Variants in CPNE8 observed in about 807,000 individuals in gnomAD.
The protein encoded by CPNE8 is copine-8.
Under a neutral mutation model 81.5 loss-of-function variants are expected in CPNE8, and 45 were observed. That is an observed-to-expected ratio of 0.55 (90% confidence interval 0.44 to 0.71). CPNE8 has a LOEUF of 0.71. Among genes scored for constraint, CPNE8 ranks in the 30% least tolerant of loss-of-function variants. The probability of loss-of-function intolerance (pLI) is 0.00; values close to 1 mark genes in which losing one functional copy is unlikely to be tolerated. For synonymous variants in CPNE8, 252 were observed against 226.3 expected, an observed-to-expected ratio of 1.11 and a Z score of -1.02; for missense variants, 594 against 672.1, an observed-to-expected ratio of 0.88 and a Z score of 1.28.
At chr12:38,885,188 A>G (rs1944221001) in intron 1 of CPNE8, among the ~76,000 whole-genome samples, 1 of 152,214 alleles carries the variant, frequency 6.6e-6, no homozygotes, top group Non-Finnish European at 1.5e-5. Context: ...AAATGATATA[A>G]TAATTAAACT....
chr12:38,800,075 G>T lies in CPNE8; in HGVS notation c.408-23774C>A, dbSNP rs1368185534. Among the ~76,000 whole-genome samples, 5 of 130,302 alleles carry T rather than the reference G, an allele frequency of 3.8e-5. No homozygotes were observed. In the East Asian group the frequency reaches 1.1e-3, roughly 28 times the overall value. 85.5% of individuals were successfully genotyped at this position (130,302 alleles called of 152,430 possible). A position where few individuals can be genotyped will look rare whatever the true frequency, so the allele number is the denominator to read the frequency against. ...CAAACTGCAAGGCGGCAACGAGGCT[G>T]GGGGAGGGGCGCCCGCCATTGCCCA... is the stretch of plus-strand genomic sequence containing the variant. On this transcript the variant is annotated intron_variant, in intron 6 of 19. Coordinates refer to ENST00000331366, the MANE Select transcript of CPNE8 (RefSeq NM_153634.3).
chr12:38,658,961 A>T (rs576141981), intron 19 of CPNE8, among the ~76,000 whole-genome samples: 1 of 152,242 alleles, frequency 6.6e-6, no homozygotes, highest in Non-Finnish European at 1.5e-5. Flanking sequence ...AAGTGTAAAG[A>T]CCATCAATGC....
intron 18 of CPNE8, among the ~76,000 whole-genome samples, chr12:38,674,077 G>C (rs919672664): frequency 6.6e-6 from 1 of 152,040 alleles, no homozygotes; most frequent in African/African-American, 2.4e-5. Context: ...ACCTCACAGA[G>C]AGAAAATGAT....
At chr12:38,758,539 T>C (rs1055328543) in intron 10 of CPNE8, among the ~76,000 whole-genome samples, 9 of 152,168 alleles carry the variant, frequency 5.9e-5, no homozygotes, top group Non-Finnish European at 1.3e-4. Flanking sequence ...AATATACTAT[T>C]GGAAGTGAAC....
At chr12:38,891,519 C>G (rs1158809980) in intron 1 of CPNE8, among the ~76,000 whole-genome samples, 1 of 151,638 alleles carries the variant, frequency 6.6e-6, no homozygotes, top group Non-Finnish European at 1.5e-5. Context: ...ACGATCTCGG[C>G]TCACCACAAC....
chr12:38,732,792 C>T (rs1186374784), intron 10 of CPNE8, among the ~76,000 whole-genome samples: 2 of 151,920 alleles, frequency 1.3e-5, no homozygotes, highest in African/African-American at 4.8e-5. Flanking sequence ...GCCTTGGATC[C>T]TTTTCAGAAT....
chr12:38,815,832 C>T (rs963588697), intron 6 of CPNE8, among the ~76,000 whole-genome samples: 1 of 152,004 alleles, frequency 6.6e-6, no homozygotes, highest in African/African-American at 2.4e-5. Context: ...ATAAGGAGTA[C>T]AATAAATTAT....
intron 3 of CPNE8, 150 bp downstream of exon 3, chr12:38,872,854 A>T: frequency 8.3e-6 from 5 of 600,034 alleles, no homozygotes. Flanking sequence ...TTAAAAACAA[A>T]ACACAAAGGT....
chr12:38,700,472 G>A (rs905257944), intron 14 of CPNE8, among the ~76,000 whole-genome samples: 11 of 151,622 alleles, frequency 7.3e-5, no homozygotes, highest in Middle Eastern at 3.5e-3. Flanking sequence ...CAATCCATCC[G>A]CCTCGGCCTC....
At chr12:38,679,049 A>T (rs1939354659) in intron 16 of CPNE8, among the ~76,000 whole-genome samples, 1 of 151,904 alleles carries the variant, frequency 6.6e-6, no homozygotes, top group Non-Finnish European at 1.5e-5. Context: ...TTAAATATCC[A>T]TTATTTTTTA....
At chr12:38,875,567 C>T (rs538974643) in intron 1 of CPNE8, among the ~76,000 whole-genome samples, 2 of 152,154 alleles carry the variant, frequency 1.3e-5, no homozygotes, top group South Asian at 4.2e-4. Context: ...TTTGTACTGC[C>T]CTTGGTATCT....
At chr12:38,891,186 C>T (rs1944309981) in intron 1 of CPNE8, among the ~76,000 whole-genome samples, 1 of 152,020 alleles carries the variant, frequency 6.6e-6, no homozygotes, top group Admixed American at 6.6e-5. Context: ...CCACCTCAGC[C>T]TCGCAAAGTG....
At chr12:38,702,990 C>T (rs766429653) in intron 13 of CPNE8, 69 bp from the exon 14 acceptor site, 495 of 1,107,268 alleles carry the variant, frequency 4.5e-4, no homozygotes, top group South Asian at 6.5e-4. Flanking sequence ...TTTTCCATTT[C>T]GGTTATATTT....
chr12:38,869,697 G>A (rs1274368313), intron 3 of CPNE8, among the ~76,000 whole-genome samples: 2 of 151,954 alleles, frequency 1.3e-5, no homozygotes, highest in African/African-American at 2.4e-5. Flanking sequence ...CTGAAACTAT[G>A]TTGAAAATGC....
chr12:38,752,037 T>G (rs949658739), intron 10 of CPNE8, among the ~76,000 whole-genome samples: 1 of 152,234 alleles, frequency 6.6e-6, no homozygotes, highest in Non-Finnish European at 1.5e-5. Flanking sequence ...AAAATAAGTT[T>G]AGCCTGGTAA....
chr12:38,871,100 G>C (rs753002714), intron 3 of CPNE8, among the ~76,000 whole-genome samples: 63 of 152,170 alleles, frequency 4.1e-4, no homozygotes, highest in South Asian at 2.1e-4. Flanking sequence ...GAAAGCATGA[G>C]AAATTTTTTA....
chr12:38,676,368 C>A (rs1001540316), intron 17 of CPNE8: 11 of 904,818 alleles, frequency 1.2e-5, no homozygotes, highest in Non-Finnish European at 1.3e-5. Context: ...CATCTACTTC[C>A]ACTTTCTACT....
At chr12:38,767,140 C>T (rs1270446694) in intron 8 of CPNE8, among the ~76,000 whole-genome samples, 1 of 151,980 alleles carries the variant, frequency 6.6e-6, no homozygotes, top group African/African-American at 2.4e-5. Context: ...TGGTCTATAA[C>T]TCATAAGGAC....
At chr12:38,684,394 G>A (rs921873837) in intron 16 of CPNE8, among the ~76,000 whole-genome samples, 1 of 151,952 alleles carries the variant, frequency 6.6e-6, no homozygotes, top group African/African-American at 2.4e-5. Flanking sequence ...AACTTTTTTG[G>A]GGGGTTGTGT....
Sources: gnomAD v4.1 joint callset for allele counts (sites outside exome capture counted in the v4.1 genomes callset) on GRCh38, gnomAD v4.1.1 for gene constraint, MANE v1.5 for transcripts, NCBI Gene and HGNC (gene_info 2026-07-23, HGNC 2026-07-21) for gene names.